RAE1: variants seen among roughly 807,000 people sequenced by gnomAD.
RAE1 encodes ribonucleic acid export 1, also known as mRNA export factor RAE1.
RAE1 carries 13 observed loss-of-function variants against 52.7 expected under a neutral mutation model. The observed-to-expected ratio is 0.25, with a 90% CI of 0.16 to 0.39. The LOEUF (loss-of-function observed/expected upper bound fraction) is 0.39. Among genes scored for constraint, RAE1 ranks in the 10% least tolerant of loss-of-function variants. The pLI is 1.00. For synonymous variants in RAE1, 164 were observed against 153.1 expected (o/e 1.07, Z -0.52); for missense variants, 262 against 459.8 (o/e 0.57, Z 3.93).
chr20:57,366,196 G>A (rs1261487029), intron 5 of RAE1, among the ~76,000 whole-genome samples: 1 of 152,032 alleles, frequency 6.6e-6, no homozygotes, highest in Non-Finnish European at 1.5e-5. Context: ...TCTTAATTAT[G>A]AGTAAAAAAA....
At chr20:57,351,584 A>G (rs1334066096) in intron 1 of RAE1, 162 bp downstream of exon 1, 32 of 985,400 alleles carry the variant, frequency 3.2e-5, no homozygotes, top group Non-Finnish European at 3.6e-5. Context: ...AGAGCTGGAA[A>G]TGGCCTTAGG....
At chr20:57,363,463 T>C (rs955993233) in intron 4 of RAE1, among the ~76,000 whole-genome samples, 3 of 152,126 alleles carry the variant, frequency 2.0e-5, no homozygotes, top group Non-Finnish European at 2.9e-5. Context: ...CAGTGATCCA[T>C]GATGACACCA....
chr20:57,355,429 G>T (rs965952931), intron 3 of RAE1, among the ~76,000 whole-genome samples: 7 of 152,084 alleles, frequency 4.6e-5, no homozygotes, highest in Admixed American at 1.3e-4. Context: ...GAATAATAGT[G>T]CCAGCAAGGA....
At chr20:57,352,421 A>G (rs908154192) in intron 1 of RAE1, among the ~76,000 whole-genome samples, 1 of 152,120 alleles carries the variant, frequency 6.6e-6, no homozygotes, top group Non-Finnish European at 1.5e-5. Context: ...TTCAGCGGAG[A>G]AAGGAAGCCA....
intron 4 of RAE1, among the ~76,000 whole-genome samples, chr20:57,361,281 T>C (rs1199866128): frequency 6.6e-6 from 1 of 152,156 alleles, no homozygotes; most frequent in East Asian, 1.9e-4. Flanking sequence ...ATATCAGTAT[T>C]AGGGCAGAAG....
chr20:57,361,904 A>G (rs541594429), intron 4 of RAE1, among the ~76,000 whole-genome samples: 1 of 152,368 alleles, frequency 6.6e-6, no homozygotes, highest in South Asian at 2.1e-4. Context: ...TAAGCTGCAC[A>G]GCAGGAGGTG....
intron 8 of RAE1, 39 bp from the exon 9 acceptor site, chr20:57,373,436 T>C (rs188794855): frequency 2.2e-5 from 35 of 1,576,250 alleles, no homozygotes; most frequent in Non-Finnish European, 2.5e-5. Context: ...AAATCTTATA[T>C]TATGCTGTGA....
intron 4 of RAE1, chr20:57,359,655 G>A (rs998785898): frequency 7.2e-5 from 11 of 152,238 alleles, no homozygotes; most frequent in African/African-American, 2.4e-4. Flanking sequence ...GGCTCGGTAG[G>A]CGTGTCACCG....
intron 1 of RAE1, 93 bp from the exon 2 acceptor site, chr20:57,353,938 TG>T (rs2066747464): frequency 8.9e-7 from 1 of 1,120,660 alleles, no homozygotes; most frequent in Admixed American, 2.0e-5. Flanking sequence ...CAAGCCACTT[TG>T]AGTATTTCTC....
At chr20:57,376,544 GC>G (rs547366933) in intron 11 of RAE1, among the ~76,000 whole-genome samples, 9 of 152,326 alleles carry the variant, frequency 5.9e-5, no homozygotes, top group Middle Eastern at 3.4e-3. Context: ...ATTCACCCAT[GC>G]TGTTGAGTGA....
chr20:57,362,495 G>C (rs969289914), intron 4 of RAE1, among the ~76,000 whole-genome samples: 1 of 152,154 alleles, frequency 6.6e-6, no homozygotes, highest in African/African-American at 2.4e-5. Flanking sequence ...TTTACTGATC[G>C]GGCAACGGGT....
chr20:57,379,116 G>A lies in RAE1; in HGVS notation c.*1017G>A, dbSNP rs1473931240. The A allele has an allele frequency of 6.6e-6, 1 of 152,124 alleles. No homozygotes were observed. The highest frequency in any genetic ancestry group is 1.5e-5 in the Non-Finnish European group (1 of 68,040). 9.4% of individuals were successfully genotyped at this position (152,124 alleles called of 1,614,324 possible). On this transcript the variant is annotated 3_prime_UTR_variant, in exon 12 of 12. Coordinates refer to ENST00000395841, the MANE Select transcript of RAE1 (RefSeq NM_003610.4). ...TAATGTGTGAAGTCTGACTTGCTGA[G>A]TGTAAAATTCTAGTATCGATAGTGT...
At chr20:57,364,105 C>G (rs1007294238) in intron 4 of RAE1, among the ~76,000 whole-genome samples, 33 of 152,154 alleles carry the variant, frequency 2.2e-4, no homozygotes, top group African/African-American at 7.7e-4. Context: ...CACAGGGGCG[C>G]TAAAGACCCA....
intron 4 of RAE1, among the ~76,000 whole-genome samples, chr20:57,363,209 A>AAAAAGTTTGCC (rs1419672609): frequency 6.6e-6 from 1 of 152,192 alleles, no homozygotes; most frequent in African/African-American, 2.4e-5. Flanking sequence ...CAAGTTGTTT[A>AAAAAGTTTGCC]ATCTTTCTAA....
Position 57,365,417 on chromosome 20 carries a change from G to A in RAE1, c.350G>A (p.Ser117Asn), listed in dbSNP as rs112840424. 1.2e-6 allele frequency: 2 copies of A among 1,609,822 alleles called. No individual in the cohort carries two copies. Among genetic ancestry groups the A allele is most frequent in the South Asian group, 2.2e-5 (2 of 90,552 alleles). ...DKTAKMWDLS[S>N]NQAIQIAQHD... The stretch of plus-strand genomic sequence containing the variant: ...ACTGCCAAAATGTGGGACCTCAGCA[G>A]TAACCAAGCGATACAGATCGCACAG... The change falls in exon 5 of 12, where the codon AGT (serine) becomes AAT (asparagine). Residue 117 changes from serine to asparagine, a missense_variant. Ser to Asn is a conservative substitution (Grantham distance 46). Transcript: ENST00000395841.
At chr20:57,371,934 C>G (rs2067041299) in intron 8 of RAE1, 1 of 152,182 alleles carries the variant, frequency 6.6e-6, no homozygotes, top group South Asian at 2.1e-4. Flanking sequence ...CAGAAAGAAA[C>G]TGCATGGTTC....
At chr20:57,375,940 G>GGC (rs2067108183) in intron 11 of RAE1, among the ~76,000 whole-genome samples, 1 of 152,188 alleles carries the variant, frequency 6.6e-6, no homozygotes, top group South Asian at 2.1e-4. Context: ...TTGCCTTGCT[G>GGC]GCCCCCCGCT....
intron 11 of RAE1, among the ~76,000 whole-genome samples, chr20:57,377,484 C>T (rs939369262): frequency 6.6e-6 from 1 of 152,184 alleles, no homozygotes; most frequent in African/African-American, 2.4e-5. Context: ...GCTGTATAGC[C>T]CTGCATCCCC....
At chr20:57,363,080 C>G (rs1869413593) in intron 4 of RAE1, among the ~76,000 whole-genome samples, 1 of 152,222 alleles carries the variant, frequency 6.6e-6, no homozygotes, top group African/African-American at 2.4e-5. Context: ...CCACGCCTGG[C>G]CAGCAGAGCT....
Sources: gnomAD v4.1 joint callset for allele counts (sites outside exome capture counted in the v4.1 genomes callset) on GRCh38, gnomAD v4.1.1 for gene constraint, MANE v1.5 for transcripts, NCBI Gene and HGNC (gene_info 2026-07-23, HGNC 2026-07-21) for gene names.